The following DSTN variants were observed in gnomAD, a reference collection of about 807,000 sequenced individuals.
The protein encoded by DSTN is destrin.
Under a neutral mutation model 16.8 loss-of-function variants are expected in DSTN, and 10 were observed. That is an observed-to-expected ratio of 0.60 (90% CI 0.37 to 1.01). The LOEUF is 1.01. Ranked by LOEUF, DSTN falls within the 50% of genes least tolerant of loss-of-function variation. The pLI, the probability that DSTN is intolerant of heterozygous loss-of-function variation, is 0.01. For missense variants in DSTN, 141 were observed against 196.7 expected (o/e 0.72, Z 1.69); for synonymous variants, 57 against 58.9 (o/e 0.97, Z 0.14).
intron 3 of DSTN, among the ~76,000 whole-genome samples, chr20:17,605,974 G>A (rs527847435): frequency 6.6e-6 from 1 of 152,276 alleles, no homozygotes; most frequent in South Asian, 2.1e-4. Flanking sequence ...CGGGCGTGGT[G>A]GCACATGCCT....
chr20:17,574,510 A>G (rs932678557), intron 1 of DSTN, among the ~76,000 whole-genome samples: 23 of 152,098 alleles, frequency 1.5e-4, no homozygotes, highest in Non-Finnish European at 3.1e-4. Context: ...CAGTAGATAT[A>G]TGGGAACAAT....
In DSTN at chr20:17,607,304, ATAAATC is replaced by A. The variant is rs1173753578; in HGVS notation, c.*163_*168del. 19 of 532,526 alleles carry A rather than the reference ATAAATC, an allele frequency of 3.6e-5. 1 individual carries two copies. Among genetic ancestry groups the A allele is most frequent in the Admixed American group, 3.1e-4 (8 of 25,972 alleles). 33.0% of individuals were successfully genotyped at this position (532,526 alleles called of 1,614,324 possible). On this transcript the variant is annotated 3_prime_UTR_variant, in exon 4 of 4. Transcript: ENST00000246069. ...TATAAACATATGCAAACAGCCCTAA[ATAAATC>A]TAAAGTCTAAAGTTTTATTGATGTG...
intron 1 of DSTN, among the ~76,000 whole-genome samples, chr20:17,591,374 AT>A (rs145550311): frequency 0.017 from 2,480 of 147,512 alleles, 30 homozygotes; most frequent in Middle Eastern, 0.053. Context: ...TGTATATTTT[AT>A]TTTATTTGAA....
At chr20:17,591,970 G>C (rs2035474188) in intron 1 of DSTN, 1 of 985,426 alleles carries the variant, frequency 1.0e-6, no homozygotes, top group African/African-American at 1.7e-5. Context: ...ACGTAAGAGA[G>C]CTACCAGCGT....
At chr20:17,602,425 C>T (rs1344263603) in intron 2 of DSTN, among the ~76,000 whole-genome samples, 5 of 152,004 alleles carry the variant, frequency 3.3e-5, no homozygotes, top group Non-Finnish European at 5.9e-5. Context: ...TTAAATTGGT[C>T]GGTATTTCCT....
intron 1 of DSTN, among the ~76,000 whole-genome samples, chr20:17,580,937 G>C (rs1245401996): frequency 6.6e-6 from 1 of 152,116 alleles, no homozygotes; most frequent in Middle Eastern, 3.2e-3. Flanking sequence ...GCCAGGGACA[G>C]AAAAAAGGCT....
In DSTN at chr20:17,584,424, C is replaced by T. The variant is rs909331707; in HGVS notation, c.3+14213C>T. 2.2e-4 allele frequency among the ~76,000 whole-genome samples: 33 copies of T among 151,932 alleles called. No homozygotes were observed. The South Asian group carries it at 3.1e-3, about 14-fold the overall frequency. On this transcript the variant is annotated intron_variant, in intron 1 of 3. Coordinates refer to ENST00000246069, the MANE Select transcript of DSTN (RefSeq NM_006870.4). Reference sequence around the variant, plus strand: ...CTGCACTTTGGGAGGCTGAGGCAGGCGGATCACCTGAGGTTGGGAGTTCGA... The same window carrying T: ...CTGCACTTTGGGAGGCTGAGGCAGGTGGATCACCTGAGGTTGGGAGTTCGA...
chr20:17,588,422 G>C (rs557566121), intron 1 of DSTN, among the ~76,000 whole-genome samples: 1 of 152,122 alleles, frequency 6.6e-6, no homozygotes, highest in African/African-American at 2.4e-5. Context: ...TCTCAGGACC[G>C]CCTAAGGCTA....
At chr20:17,570,476 T>A (rs905054939) in intron 1 of DSTN, among the ~76,000 whole-genome samples, 18 of 152,176 alleles carry the variant, frequency 1.2e-4, no homozygotes, top group African/African-American at 4.3e-4. Context: ...GAGCGTGGCC[T>A]CTGCGGGTGT....
Position 17,607,017 on chromosome 20 carries a change from GTGT to G in DSTN, c.389-15_389-13del, listed in dbSNP as rs2035650024. ...ACTGCTGCCATAATTGTAAATAGAAGTGTTGTTTTTTCTCTCTAGGCATAAAAC... is the reference window on the plus strand; with the variant it reads ...ACTGCTGCCATAATTGTAAATAGAAGTGTTTTTTCTCTCTAGGCATAAAAC... On this transcript the variant is annotated splice_polypyrimidine_tract_variant and intron_variant, in intron 3 of 3. Coordinates refer to ENST00000246069, the MANE Select transcript of DSTN (RefSeq NM_006870.4). 1.9e-6 allele frequency: 3 copies of G among 1,609,560 alleles called. No homozygotes were observed. The highest frequency in any genetic ancestry group is 1.7e-6 in the Non-Finnish European group (2 of 1,177,122).
At chr20:17,591,053 A>T (rs1741746662) in intron 1 of DSTN, among the ~76,000 whole-genome samples, 1 of 152,240 alleles carries the variant, frequency 6.6e-6, no homozygotes, top group Admixed American at 6.5e-5. Flanking sequence ...GGCTGCAGTG[A>T]GCCATGATTG....
Position 17,591,979 on chromosome 20 carries a change from G to A in DSTN, c.4-8759G>A, listed in dbSNP as rs6136142. 2,263 of 985,448 alleles carry A rather than the reference G, an allele frequency of 2.3e-3. 44 individuals are homozygous for A. In the East Asian group the frequency reaches 0.077, roughly 34 times the overall value. The allele number at this position is 985,448 out of a possible 1,614,324, so 61.0% of individuals were successfully genotyped here. A position where few individuals can be genotyped will look rare whatever the true frequency, so the allele number is the denominator to read the frequency against. On this transcript the variant is annotated intron_variant, in intron 1 of 3. Coordinates refer to ENST00000246069, the MANE Select transcript of DSTN (RefSeq NM_006870.4). ...GCAAAGACGTAAGAGAGCTACCAGC[G>A]TATTGAGAGGAGATACACAGGCACT...
rs764153915 is a variant in DSTN at position 17,600,815 on chromosome 20, A to C, written c.81A>C (p.Glu27Asp). Residue 27 changes from glutamate to aspartate, a missense_variant, in exon 2 of 4, where the codon GAA becomes GAC. Transcript: ENST00000246069. ...AAGTTCGTAAATGCTCCACACCAGA[A>C]GAAATCAAGAAAAGAAAGAAGGCTG... The part of the protein sequence containing the change: ...DMKVRKCSTP[E>D]EIKKRKKAVI... 1.2e-6 allele frequency: 2 copies of C among 1,613,914 alleles called. No individual in the cohort carries two copies. Among genetic ancestry groups the C allele is most frequent in the Non-Finnish European group, 1.7e-6 (2 of 1,179,820 alleles).
At chr20:17,596,537 G>A (rs1019327979) in intron 1 of DSTN, 1 of 791,346 alleles carries the variant, frequency 1.3e-6, no homozygotes, top group Admixed American at 6.2e-5. Context: ...AGCTATATTG[G>A]TTTGACTTTG....
At chr20:17,597,232 G>T (rs2035535820) in intron 1 of DSTN, among the ~76,000 whole-genome samples, 2 of 152,196 alleles carry the variant, frequency 1.3e-5, no homozygotes, top group African/African-American at 4.8e-5. Context: ...TGGTAATATT[G>T]TGTACTTATG....
intron 3 of DSTN, among the ~76,000 whole-genome samples, chr20:17,604,950 T>C (rs1454430990): frequency 6.6e-6 from 1 of 152,248 alleles, no homozygotes; most frequent in African/African-American, 2.4e-5. Flanking sequence ...ACTGATTGTT[T>C]AACATTGGAC....
chr20:17,597,355 T>C (rs935408616), intron 1 of DSTN, among the ~76,000 whole-genome samples: 8 of 152,214 alleles, frequency 5.3e-5, no homozygotes, highest in African/African-American at 1.7e-4. Flanking sequence ...AGATCTTTAA[T>C]GAATGAGATG....
At chr20:17,584,104 C>T (rs2035380850) in intron 1 of DSTN, among the ~76,000 whole-genome samples, 1 of 152,018 alleles carries the variant, frequency 6.6e-6, no homozygotes, top group South Asian at 2.1e-4. Flanking sequence ...GGATGCACAA[C>T]TTTGTGACTA....
intron 1 of DSTN, among the ~76,000 whole-genome samples, chr20:17,588,564 A>G (rs1267870343): frequency 1.3e-5 from 2 of 152,058 alleles, no homozygotes; most frequent in African/African-American, 4.8e-5. Flanking sequence ...GGCGGATCAC[A>G]AGGTCAGGAG....
Sources: gnomAD v4.1 joint callset for allele counts (sites outside exome capture counted in the v4.1 genomes callset) on GRCh38, gnomAD v4.1.1 for gene constraint, MANE v1.5 for transcripts, NCBI Gene and HGNC (gene_info 2026-07-23, HGNC 2026-07-21) for gene names.